The following AGBL1 variants were observed in gnomAD, a reference collection of about 807,000 sequenced individuals.
The protein encoded by AGBL1 is AGBL carboxypeptidase 1.
A neutral mutation model predicts 118.9 loss-of-function variants in AGBL1; 130 were observed. The ratio of observed to expected loss-of-function variants is 1.09; its 90% CI spans 0.95 to 1.26. The LOEUF (loss-of-function observed/expected upper bound fraction) is 1.26. AGBL1 is among the 50% of genes most tolerant of loss of function. AGBL1 has a pLI of 0.00. For missense variants in AGBL1, 1,584 were observed against 1,298.1 expected (o/e 1.22, Z -3.38); for synonymous variants, 555 against 478.9 (o/e 1.16, Z -2.08).
At chr15:86,573,500 C>G (rs183178031) in intron 21 of AGBL1, among the ~76,000 whole-genome samples, 2 of 152,294 alleles carry the variant, frequency 1.3e-5, no homozygotes, top group East Asian at 1.9e-4. Context: ...AAGGTAACAT[C>G]TGGTAAAATA....
At chr15:86,301,972 A>C (rs558951657) in intron 17 of AGBL1, among the ~76,000 whole-genome samples, 1 of 152,104 alleles carries the variant, frequency 6.6e-6, no homozygotes, top group African/African-American at 2.4e-5. Context: ...AACCATCTTA[A>C]ATTTGTTTTT....
downstream of AGBL1, among the ~76,000 whole-genome samples, chr15:87,031,254 T>C (rs2081779731): frequency 6.6e-6 from 1 of 151,972 alleles, no homozygotes; most frequent in East Asian, 1.9e-4. Flanking sequence ...ACATCTGTGA[T>C]ACCCTGATGT....
intron 22 of AGBL1, 110 bp downstream of exon 22, chr15:86,674,546 T>C: frequency 8.9e-7 from 1 of 1,125,764 alleles, no homozygotes; most frequent in African/African-American, 1.6e-5. Flanking sequence ...AGAGAAAATA[T>C]GGAAGAATTC....
At chr15:86,591,801 C>T (rs557739123) in intron 21 of AGBL1, among the ~76,000 whole-genome samples, 2 of 152,178 alleles carry the variant, frequency 1.3e-5, no homozygotes, top group African/African-American at 4.8e-5. Flanking sequence ...ACCTTTAGCC[C>T]CTCTCCTCTC....
intron 21 of AGBL1, among the ~76,000 whole-genome samples, chr15:86,563,638 CTGTTAG>C (rs2083865781): frequency 1.3e-5 from 2 of 152,144 alleles, no homozygotes; most frequent in Non-Finnish European, 2.9e-5. Flanking sequence ...ATGTGGATGT[CTGTTAG>C]GTCCATTTGG....
At chr15:86,801,484 G>C (rs904389603) in intron 22 of AGBL1, among the ~76,000 whole-genome samples, 3 of 151,962 alleles carry the variant, frequency 2.0e-5, no homozygotes, top group African/African-American at 7.2e-5. Flanking sequence ...CATGGACCCT[G>C]GTTCTCACTC....
At position 86,974,439 on chromosome 15, in the gene AGBL1, A is replaced by G. The variant is rs1258198239; in HGVS notation, c.3222-13548A>G. Among the ~76,000 whole-genome samples, 4 of 128,640 alleles carry G rather than the reference A, an allele frequency of 3.1e-5. No homozygotes were observed. In the East Asian group the frequency reaches 8.5e-4, roughly 27 times the overall value. The allele number at this position is 128,640 out of a possible 152,430, so 84.4% of individuals were successfully genotyped here. On this transcript the variant is annotated intron_variant, in intron 23 of 24. Transcript: ENST00000441037. ...AAACATATTTTATATATTAAATATAAACATATTTTATATATTGAATATAAA... is the reference window on the plus strand; with the variant it reads ...AAACATATTTTATATATTAAATATAGACATATTTTATATATTGAATATAAA...
rs142820322 is a variant in AGBL1 at position 86,815,338 on chromosome 15, A to T, written c.3159-91749A>T. On this transcript the variant is annotated intron_variant, in intron 22 of 22. Transcript: ENST00000614907. Reference sequence around the variant, plus strand: ...TAGATGAGTTGGGTCACATCAGTGCACAGAAATTTATAGGGTCCACCACCA... The same window carrying T: ...TAGATGAGTTGGGTCACATCAGTGCTCAGAAATTTATAGGGTCCACCACCA... 3.0e-3 allele frequency among the ~76,000 whole-genome samples: 454 copies of T among 152,290 alleles called. 3 individuals carry two copies. Among genetic ancestry groups the T allele is most frequent in the African/African-American group, 0.01 (424 of 41,558 alleles).
At position 86,361,153 on chromosome 15, in the gene AGBL1, T is replaced by C. The variant is rs572124357; in HGVS notation, c.2375-36213T>C. 2.7e-3 allele frequency among the ~76,000 whole-genome samples: 405 copies of C among 152,152 alleles called. 2 individuals carry two copies. Among genetic ancestry groups the C allele is most frequent in the African/African-American group, 9.3e-3 (387 of 41,572 alleles). On this transcript the variant is annotated intron_variant, in intron 17 of 22. Coordinates refer to ENST00000614907, the MANE Select transcript of AGBL1 (RefSeq NM_001386094.1). ...CCTGCATCCAATAAATTTTGTTATG[T>C]AGCATTTTTGTTTTTGTCCATTTCA...
In AGBL1 at chr15:86,079,883, C is replaced by T. The variant is rs569546610; in HGVS notation, c.-90C>T. On this transcript the variant is annotated 5_prime_UTR_variant, in exon 1 of 23. Coordinates refer to ENST00000614907, the MANE Select transcript of AGBL1 (RefSeq NM_001386094.1). Reference sequence around the variant, plus strand: ...GAGGCCTCCGGGCAGTCGTCTCCTGCGAGGCGGGCAGCGAGGTCAGCTTGG... The same window carrying T: ...GAGGCCTCCGGGCAGTCGTCTCCTGTGAGGCGGGCAGCGAGGTCAGCTTGG... 3.1e-5 allele frequency: 31 copies of T among 990,506 alleles called. No individual in the cohort carries two copies. The highest frequency in any genetic ancestry group is 2.1e-4 in the African/African-American group (13 of 60,644). 61.4% of individuals were successfully genotyped at this position (990,506 alleles called of 1,614,324 possible).
At chr15:86,751,761 T>A (rs1272954266) in intron 22 of AGBL1, among the ~76,000 whole-genome samples, 1 of 152,160 alleles carries the variant, frequency 6.6e-6, no homozygotes, top group African/African-American at 2.4e-5. Flanking sequence ...TTGGTCTGCT[T>A]ACTGATATGT....
At chr15:86,507,111 A>T (rs900605086) in intron 18 of AGBL1, among the ~76,000 whole-genome samples, 1 of 152,092 alleles carries the variant, frequency 6.6e-6, no homozygotes, top group Non-Finnish European at 1.5e-5. Flanking sequence ...GACGCAGCCA[A>T]GCTACTAATG....
At chr15:86,227,182 T>C (rs755222914) in intron 6 of AGBL1, among the ~76,000 whole-genome samples, 1 of 152,222 alleles carries the variant, frequency 6.6e-6, no homozygotes, top group Non-Finnish European at 1.5e-5. Flanking sequence ...GTGATTCTCA[T>C]CTCTATTTAC....
chr15:87,017,175 G>C (rs1488238317), intron 24 of AGBL1, among the ~76,000 whole-genome samples: 1 of 152,106 alleles, frequency 6.6e-6, no homozygotes, highest in Non-Finnish European at 1.5e-5. Flanking sequence ...CTGCCATTCT[G>C]TGTTCTGGTT....
At position 86,613,163 on chromosome 15, in the gene AGBL1, T is replaced by C. The variant is rs151258593; in HGVS notation, c.2994+58626T>C. Among the ~76,000 whole-genome samples the C allele has an allele frequency of 8.6e-4, 131 of 152,280 alleles. No individual in the cohort carries two copies. The highest frequency in any genetic ancestry group is 5.2e-3 in the East Asian group (27 of 5,178). On this transcript the variant is annotated intron_variant, in intron 21 of 22. Transcript: ENST00000614907. This position sits in a 1 kb window ranked among gnomAD's most constrained non-coding sequence, Gnocchi z 4.2. The stretch of plus-strand genomic sequence containing the variant: ...ACCGTGGCAAAATAAATCTCTAAAT[T>C]GATTAAGACTTGTCTCAGATACTTT...
intron 6 of AGBL1, among the ~76,000 whole-genome samples, chr15:86,236,244 G>A (rs1297443581): frequency 2.0e-5 from 3 of 152,112 alleles, no homozygotes; most frequent in Admixed American, 1.3e-4. Context: ...AGTCCCAGGG[G>A]CACACAGTAT....
chr15:86,801,072 C>T (rs372149122), intron 22 of AGBL1, among the ~76,000 whole-genome samples: 22 of 152,006 alleles, frequency 1.4e-4, no homozygotes, highest in Admixed American at 3.3e-4. Context: ...CAAAAAAACT[C>T]GAACTTACAT....
At chr15:86,254,763 C>A (rs2078868400) in intron 7 of AGBL1, among the ~76,000 whole-genome samples, 1 of 152,150 alleles carries the variant, frequency 6.6e-6, no homozygotes, top group Non-Finnish European at 1.5e-5. Context: ...CTGGGAACCT[C>A]CCTTTCCTCA....
chr15:86,538,102 G>A (rs1307962869), intron 19 of AGBL1, among the ~76,000 whole-genome samples: 2 of 152,188 alleles, frequency 1.3e-5, no homozygotes, highest in Non-Finnish European at 2.9e-5. Context: ...AGTCTCATGA[G>A]CAGTTGGTTA....
Sources: allele counts gnomAD v4.1 joint callset (sites outside exome capture counted in the v4.1 genomes callset), GRCh38; gene constraint gnomAD v4.1.1; non-coding constraint Gnocchi (gnomAD v3.1); transcripts MANE v1.5; gene names NCBI Gene and HGNC (gene_info 2026-07-23, HGNC 2026-07-21).